Variants in FARS2 observed in about 807,000 individuals in gnomAD.
The protein encoded by FARS2 is phenylalanine--tRNA ligase, mitochondrial.
FARS2 carries 40 observed loss-of-function variants against 46.4 expected under a neutral mutation model. The observed-to-expected ratio is 0.86, with a 90% CI of 0.67 to 1.12. The LOEUF is 1.12. Ranked by LOEUF, FARS2 falls within the 50% of genes most tolerant of loss-of-function variation. FARS2 has a pLI of 0.00. For missense variants in FARS2, 513 were observed against 567.9 expected, an observed-to-expected ratio of 0.90 and a Z score of 0.98; for synonymous variants, 234 against 214.9, an observed-to-expected ratio of 1.09 and a Z score of -0.78.
chr6:5,517,926 C>T (rs1768909905), intron 4 of FARS2, among the ~76,000 whole-genome samples: 2 of 152,150 alleles, frequency 1.3e-5, no homozygotes, highest in African/African-American at 4.8e-5. Flanking sequence ...TGTGCTAGAA[C>T]ATAACTCATA....
rs187729014 is a variant in FARS2, at chr6:5,495,415, G to T, written c.905-49765G>T. On this transcript the variant is annotated intron_variant, in intron 4 of 6. Transcript: ENST00000274680. ...TGGAGCCAGAAGAAATTGTACATGGGGCTTTGATATTTTGCCAACTGTTTT... is the reference window on the plus strand; with the variant it reads ...TGGAGCCAGAAGAAATTGTACATGGTGCTTTGATATTTTGCCAACTGTTTT... Among the ~76,000 whole-genome samples the T allele has an allele frequency of 2.6e-4, 39 of 152,250 alleles. 1 individual carries two copies. The highest frequency in any genetic ancestry group is 4.9e-4 in the Non-Finnish European group (33 of 68,012).
At chr6:5,399,135 TATTATTA>T (rs1761088321) in intron 2 of FARS2, among the ~76,000 whole-genome samples, 1 of 74,980 alleles carries the variant, frequency 1.3e-5, no homozygotes, top group African/African-American at 6.4e-5. Context: ...ATTTTATTAT[TATTATTA>T]TTATTATTAT....
At chr6:5,251,176 A>G in the FARS2 span, among the ~76,000 whole-genome samples, 1 of 152,202 alleles carries the variant, frequency 6.6e-6, no homozygotes, top group Non-Finnish European at 1.5e-5. Context: ...TAATATATAC[A>G]TACACACACA....
At chr6:5,286,973 C>T (rs1298950669) in intron 1 of FARS2, among the ~76,000 whole-genome samples, 3 of 152,242 alleles carry the variant, frequency 2.0e-5, no homozygotes, top group South Asian at 2.1e-4. Context: ...CAGGAAGACT[C>T]GCTGCACTTG....
intron 2 of FARS2, among the ~76,000 whole-genome samples, chr6:5,373,149 G>A (rs1581916170): frequency 6.6e-6 from 1 of 152,136 alleles, no homozygotes; most frequent in Non-Finnish European, 1.5e-5. Flanking sequence ...CAGTACTTGA[G>A]AGAAAAGGAG....
rs1042118707 is a variant in FARS2, at chr6:5,727,661, A to G, written c.1218-43630A>G. Among the ~76,000 whole-genome samples the G allele has an allele frequency of 1.3e-5, 2 of 152,172 alleles. No individual in the cohort carries two copies. The highest frequency in any genetic ancestry group is 1.3e-4 in the Admixed American group (2 of 15,278). ...CTATACATCTTTAATACACGCCCCA[A>G]TTAATGAGTTAAGTCCAGATAAAGT... On this transcript the variant is annotated intron_variant, in intron 6 of 6. Coordinates refer to ENST00000274680, the MANE Select transcript of FARS2 (RefSeq NM_006567.5). The surrounding 1 kb of genome is among the most constrained non-coding windows in gnomAD (Gnocchi z 4.1).
intron 6 of FARS2, among the ~76,000 whole-genome samples, chr6:5,614,076 T>C (rs556816447): frequency 1.2e-4 from 19 of 152,244 alleles, no homozygotes; most frequent in Admixed American, 2.0e-4. Context: ...GTGATGATTG[T>C]TGGGTAGTGA....
In FARS2 at chr6:5,265,365, C is replaced by T. The variant is rs572093881; in HGVS notation, c.-22+3705C>T. ...GTAGGAGGTGGGAAGGGAGGGACCA[C>T]TGAAGTGTTTAGCCCTGTACTAGCT... On this transcript the variant is annotated intron_variant, in intron 1 of 6. Coordinates refer to ENST00000274680, the MANE Select transcript of FARS2 (RefSeq NM_006567.5). 2.0e-5 allele frequency among the ~76,000 whole-genome samples: 3 copies of T among 152,300 alleles called. No individual in the cohort carries two copies. In the South Asian group the frequency reaches 6.2e-4, roughly 32 times the overall value.
chr6:5,688,783 C>G, intron 6 of FARS2, among the ~76,000 whole-genome samples: 1 of 152,192 alleles, frequency 6.6e-6, no homozygotes, highest in East Asian at 1.9e-4. Flanking sequence ...ATGGTACCAG[C>G]TCCTCCTTGT....
intron 4 of FARS2, among the ~76,000 whole-genome samples, chr6:5,464,548 G>C (rs1765411617): frequency 6.6e-6 from 1 of 152,196 alleles, no homozygotes; most frequent in African/African-American, 2.4e-5. Flanking sequence ...TGTTTCGAAT[G>C]CTCTCCTTAC....
intron 6 of FARS2, among the ~76,000 whole-genome samples, chr6:5,704,497 T>C (rs1432499207): frequency 5.9e-5 from 9 of 152,240 alleles, no homozygotes; most frequent in Non-Finnish European, 1.3e-4. Context: ...TGGTCACTTT[T>C]CAGCTGACAT....
chr6:5,277,134 C>G (rs530987719), intron 1 of FARS2, among the ~76,000 whole-genome samples: 3 of 152,042 alleles, frequency 2.0e-5, no homozygotes, highest in Non-Finnish European at 4.4e-5. Context: ...AATGAAGGCA[C>G]AGATAGCGAG....
chr6:5,265,711 T>C (rs188932518), intron 1 of FARS2, among the ~76,000 whole-genome samples: 3 of 152,326 alleles, frequency 2.0e-5, no homozygotes, highest in Admixed American at 6.5e-5. Context: ...TGCATTTGTA[T>C]ATGATTAAAA....
At chr6:5,334,220 T>G (rs1159834245) in intron 1 of FARS2, among the ~76,000 whole-genome samples, 4 of 152,162 alleles carry the variant, frequency 2.6e-5, no homozygotes, top group Non-Finnish European at 4.4e-5. Flanking sequence ...GGTAAAATAG[T>G]TTAATCACAG....
chr6:5,377,947 A>G (rs535855313), intron 2 of FARS2, among the ~76,000 whole-genome samples: 1 of 152,348 alleles, frequency 6.6e-6, no homozygotes, highest in East Asian at 1.9e-4. Flanking sequence ...ACACCTTAAC[A>G]AATGAAGGCA....
chr6:5,705,599 G>A (rs1350293848), intron 6 of FARS2, among the ~76,000 whole-genome samples: 4 of 152,168 alleles, frequency 2.6e-5, no homozygotes, highest in Non-Finnish European at 4.4e-5. Context: ...CAGTGCTTCC[G>A]CATTCTCCCC....
intron 6 of FARS2, among the ~76,000 whole-genome samples, chr6:5,736,875 G>A (rs1286330110): frequency 6.6e-6 from 1 of 152,106 alleles, no homozygotes; most frequent in Non-Finnish European, 1.5e-5. Context: ...CTCAGCTGCT[G>A]TAATGTGGAA....
At chr6:5,654,626 G>A (rs544566027) in intron 6 of FARS2, among the ~76,000 whole-genome samples, 1 of 152,178 alleles carries the variant, frequency 6.6e-6, no homozygotes, top group Non-Finnish European at 1.5e-5. Flanking sequence ...ACTGTGTTAG[G>A]GGTATTTACA....
intron 2 of FARS2, among the ~76,000 whole-genome samples, chr6:5,374,735 TTTA>T (rs1759270218): frequency 1.3e-5 from 2 of 152,114 alleles, no homozygotes; most frequent in Admixed American, 1.3e-4. Context: ...AATTCATTGA[TTTA>T]TTGTGTCCTA....
Sources: gnomAD v4.1 joint callset for allele counts (sites outside exome capture counted in the v4.1 genomes callset) on GRCh38, gnomAD v4.1.1 for gene constraint, Gnocchi (gnomAD v3.1) non-coding constraint, MANE v1.5 for transcripts, NCBI Gene and HGNC (gene_info 2026-07-23, HGNC 2026-07-21) for gene names.